The following TOPBP1 variants were observed in gnomAD, a reference collection of about 807,000 sequenced individuals.
TOPBP1 encodes the protein DNA topoisomerase 2-binding protein 1.
In TOPBP1, 28 loss-of-function variants were observed where a neutral mutation model predicts 167.7. The observed-to-expected ratio is 0.17, with a 90% CI of 0.12 to 0.23. The LOEUF is 0.23. Ranked by LOEUF, TOPBP1 falls within the 10% of genes least tolerant of loss-of-function variation. TOPBP1 has a pLI of 1.00. For missense variants in TOPBP1, 1,554 were observed against 1,809.6 expected, an observed-to-expected ratio of 0.86 and a Z score of 2.56; for synonymous variants, 598 against 611.4, an observed-to-expected ratio of 0.98 and a Z score of 0.32.
rs375337884 is a variant in TOPBP1 at position 133,611,043 on chromosome 3, T to C, written c.4134A>G (p.Arg1378=). The C allele has an allele frequency of 7.4e-5, 120 of 1,613,178 alleles. No individual in the cohort carries two copies. Among genetic ancestry groups the C allele is most frequent in the Non-Finnish European group, 9.6e-5 (113 of 1,179,482 alleles). ...RRLALAAMRW[R]KKIQQRQESG... ...ATTCTTGTCTTTGCTGGATTTTTTT[T>C]CTCCATCTCATTGCTGCAAGTGCTA... The change falls in exon 25 of 28, where the codon AGA becomes AGG. Residue 1378 remains arginine (R), a synonymous_variant. Transcript: ENST00000260810.
intron 14 of TOPBP1, among the ~76,000 whole-genome samples, chr3:133,629,911 C>T (rs548617173): frequency 9.9e-5 from 15 of 152,016 alleles, no homozygotes; most frequent in East Asian, 1.9e-4. Flanking sequence ...CTCAGCCTCC[C>T]GAGTAGCTGG....
chr3:133,602,630 TC>T (rs1413702796), intron 27 of TOPBP1, among the ~76,000 whole-genome samples: 1 of 151,938 alleles, frequency 6.6e-6, no homozygotes, highest in Non-Finnish European at 1.5e-5. Flanking sequence ...CAGCACACTT[TC>T]TGTAAAGGCT....
Position 133,649,409 on chromosome 3 carries a change from T to C in TOPBP1, c.1478A>G (p.Gln493Arg). ...HEQADEDLLSQYENGSSTVVE... is the reference protein window; with the variant it reads ...HEQADEDLLSRYENGSSTVVE... ...TACTGTGGAGCTACCATTTTCATAT[T>C]GAGAGAGCAGATCTTCATCAGCTTG... Residue 493 changes from glutamine (Q) to arginine (R), a missense_variant, in exon 10 of 28, where the codon CAA (glutamine) becomes CGA (arginine). Gln to Arg is a conservative substitution (Grantham distance 43, BLOSUM62 1). Transcript: ENST00000260810. 2 of 1,613,580 alleles carry C rather than the reference T, an allele frequency of 1.2e-6. No individual in the cohort carries two copies. The highest frequency in any genetic ancestry group is 2.2e-5 in the South Asian group (2 of 91,074).
At chr3:133,612,044 C>CTT (rs869235055) in intron 24 of TOPBP1, among the ~76,000 whole-genome samples, 32 of 141,084 alleles carry the variant, frequency 2.3e-4, no homozygotes, top group African/African-American at 6.2e-4. Context: ...CCAACACTTA[C>CTT]TTTTTTTTTT....
At chr3:133,646,576 G>A (rs925034157) in intron 10 of TOPBP1, among the ~76,000 whole-genome samples, 6 of 151,752 alleles carry the variant, frequency 4.0e-5, no homozygotes, top group South Asian at 4.2e-4. Flanking sequence ...GCGTGAACTC[G>A]GGAGGAGGAG....
rs1409648935 is a variant in TOPBP1 at position 133,617,149 on chromosome 3, G to A, written c.3759+11C>T. On this transcript the variant is annotated intron_variant, in intron 22 of 27. Coordinates refer to ENST00000260810, the MANE Select transcript of TOPBP1 (RefSeq NM_007027.4). ...GCAAAAGCTGTATCACCATATTAAG[G>A]ATCAACAAACCTTTTCTCTAGGGTG... 6.3e-7 allele frequency: 1 copy of A among 1,597,002 alleles called. No individual in the cohort carries two copies. The highest frequency in any genetic ancestry group is 8.5e-7 in the Non-Finnish European group (1 of 1,174,284).
At chr3:133,634,783 C>T (rs765111408) in intron 14 of TOPBP1, among the ~76,000 whole-genome samples, 6 of 152,158 alleles carry the variant, frequency 3.9e-5, no homozygotes, top group Non-Finnish European at 7.3e-5. Flanking sequence ...GAATACTGTA[C>T]ACGTGTGTAC....
intron 17 of TOPBP1, among the ~76,000 whole-genome samples, 178 bp from the exon 18 acceptor site, chr3:133,623,635 C>T (rs1246544008): frequency 6.6e-6 from 1 of 152,176 alleles, no homozygotes; most frequent in African/African-American, 2.4e-5. Context: ...AGATTGTCCT[C>T]ATGTTTTAAA....
chr3:133,652,056 G>C (rs963507628), intron 8 of TOPBP1, among the ~76,000 whole-genome samples: 17 of 151,862 alleles, frequency 1.1e-4, no homozygotes, highest in Non-Finnish European at 2.2e-4. Flanking sequence ...CTGATGCCCA[G>C]GAGTTCAAGG....
intron 9 of TOPBP1, 48 bp downstream of exon 9, chr3:133,649,732 A>T (rs369442171): frequency 2.5e-6 from 4 of 1,581,744 alleles, no homozygotes; most frequent in Non-Finnish European, 3.4e-6. Flanking sequence ...TGCAATTTTA[A>T]GAAAAATTAT....
intron 27 of TOPBP1, among the ~76,000 whole-genome samples, chr3:133,602,296 G>C (rs1487553380): frequency 6.6e-6 from 1 of 152,294 alleles, no homozygotes; most frequent in East Asian, 1.9e-4. Flanking sequence ...TCTGTATCCT[G>C]CAAAACTGTC....
chr3:133,650,283 T>C (rs1485487449), intron 8 of TOPBP1, among the ~76,000 whole-genome samples: 1 of 148,610 alleles, frequency 6.7e-6, no homozygotes, highest in African/African-American at 2.5e-5. Context: ...GAAGCTTACT[T>C]GTAAATTTTA....
rs780521242 is a variant in TOPBP1 at position 133,628,389 on chromosome 3, A to G, written c.2777T>C (p.Ile926Thr). 3.1e-5 allele frequency: 50 copies of G among 1,606,082 alleles called. No individual in the cohort carries two copies. The highest frequency in any genetic ancestry group is 4.2e-5 in the Non-Finnish European group (49 of 1,175,960). The change falls in exon 16 of 28, where the codon ATC (isoleucine) becomes ACC (threonine). Residue 926 changes from isoleucine to threonine, a missense_variant. By Grantham distance (89) the Ile-to-Thr change is moderately conservative (BLOSUM62 -1). This residue lies in a region of TOPBP1 where 1,197 missense variants were observed against 1,351.5 expected (regional missense o/e 0.89). Coordinates refer to ENST00000260810, the MANE Select transcript of TOPBP1 (RefSeq NM_007027.4). ...LSKKQSELNG[I>T]AASLGADYRW... Reference sequence around the variant, plus strand: ...GTAATCTGCTCCTAGAGAGGCTGCGATCCCATTTAGTTCACTCTGCTTCTT... The same window carrying G: ...GTAATCTGCTCCTAGAGAGGCTGCGGTCCCATTTAGTTCACTCTGCTTCTT...
chr3:133,656,933 T>C, intron 4 of TOPBP1, 76 bp from the exon 5 acceptor site: 3 of 1,302,912 alleles, frequency 2.3e-6, no homozygotes, highest in Non-Finnish European at 3.0e-6. Flanking sequence ...ATCTCATAAA[T>C]ACATTTTGCT....
chr3:133,654,040 A>G (rs1936395141), intron 6 of TOPBP1, among the ~76,000 whole-genome samples: 2 of 152,214 alleles, frequency 1.3e-5, no homozygotes, highest in African/African-American at 4.8e-5. Flanking sequence ...CTTATTGCCT[A>G]ATTATATTTT....
At chr3:133,608,839 T>C (rs555051464) in intron 26 of TOPBP1, 34 bp downstream of exon 26, 3 of 1,587,064 alleles carry the variant, frequency 1.9e-6, no homozygotes, top group South Asian at 1.2e-5. Flanking sequence ...TGATTATTCA[T>C]GTAAAAAGGT....
At chr3:133,635,557 C>T (rs1024122536) in intron 14 of TOPBP1, among the ~76,000 whole-genome samples, 16 of 152,200 alleles carry the variant, frequency 1.1e-4, no homozygotes, top group African/African-American at 3.6e-4. Context: ...CGCCCAGCCC[C>T]TTGTACCACT....
intron 16 of TOPBP1, among the ~76,000 whole-genome samples, chr3:133,627,085 T>G (rs1475538981): frequency 6.6e-6 from 1 of 152,234 alleles, no homozygotes; most frequent in Non-Finnish European, 1.5e-5. Flanking sequence ...CTCTGCATAT[T>G]ATAAGGCTCT....
chr3:133,628,612 T>C lies in TOPBP1; in HGVS notation c.2642A>G (p.Asn881Ser). 1 of 1,609,568 alleles carries C rather than the reference T, an allele frequency of 6.2e-7. No homozygotes were observed. The highest frequency in any genetic ancestry group is 8.5e-7 in the Non-Finnish European group (1 of 1,177,890). ...LQLALANSSR[N>S]AVALSASPQL... The stretch of plus-strand genomic sequence containing the variant: ...AGGGCTGGCAGAAAGAGCGACAGCA[T>C]TTCGAGAGCTATTTGCCAAAGCAAG... Residue 881 changes from asparagine to serine, a missense_variant, in exon 15 of 28, where the codon AAT (asparagine) becomes AGT (serine). Asn to Ser is a conservative substitution (Grantham distance 46). This residue lies in a region of TOPBP1 where 1,197 missense variants were observed against 1,351.5 expected (regional missense o/e 0.89). Coordinates refer to ENST00000260810, the MANE Select transcript of TOPBP1 (RefSeq NM_007027.4).
Sources: allele counts gnomAD v4.1 joint callset (sites outside exome capture counted in the v4.1 genomes callset), GRCh38; gene constraint gnomAD v4.1.1; regional missense constraint gnomAD v4.1.1; transcripts MANE v1.5; gene names NCBI Gene and HGNC (gene_info 2026-07-23, HGNC 2026-07-21).